WRN: variants seen among roughly 807,000 people sequenced by gnomAD.
WRN encodes bifunctional 3'-5' exonuclease/ATP-dependent helicase WRN.
In WRN, 149 loss-of-function variants were observed where a neutral mutation model predicts 180.7. The ratio of observed to expected loss-of-function variants is 0.82; its 90% CI spans 0.72 to 0.94. The LOEUF (loss-of-function observed/expected upper bound fraction) is 0.94, where lower values mean the gene tolerates loss of function less well. WRN is among the 40% of genes least tolerant of loss of function. The pLI is 0.00. For missense variants in WRN, 1,661 were observed against 1,700.1 expected, an observed-to-expected ratio of 0.98 and a Z score of 0.40; for synonymous variants, 548 against 568.9, an observed-to-expected ratio of 0.96 and a Z score of 0.52.
At chr8:31,151,536 TATA>T (rs1249004146) in intron 31 of WRN, among the ~76,000 whole-genome samples, 1 of 152,212 alleles carries the variant, frequency 6.6e-6, no homozygotes, top group Non-Finnish European at 1.5e-5. Context: ...GAAATGAAAT[TATA>T]ATGTCTTAAT....
chr8:31,108,177 A>C lies in WRN; in HGVS notation c.2089-3438A>C, dbSNP rs553443906. ...GAAATTAAGACCTGTCAACTTAAAG[A>C]ATACATTTTGTGAGTTAAGAACTAA... On this transcript the variant is annotated intron_variant, in intron 18 of 34. Transcript: ENST00000298139. 7.9e-5 allele frequency among the ~76,000 whole-genome samples: 12 copies of C among 152,344 alleles called. No homozygotes were observed. The East Asian group carries it at 2.1e-3, about 27-fold the overall frequency.
At chr8:31,035,433 C>T (rs532667014) in intron 1 of WRN, among the ~76,000 whole-genome samples, 12 of 152,040 alleles carry the variant, frequency 7.9e-5, no homozygotes, top group Non-Finnish European at 1.8e-4. Context: ...TACAAAGGCC[C>T]TGGGGGAACC....
At chr8:31,164,980 A>G (rs1248684570) in intron 33 of WRN, among the ~76,000 whole-genome samples, 3 of 152,128 alleles carry the variant, frequency 2.0e-5, no homozygotes, top group Non-Finnish European at 2.9e-5. Flanking sequence ...ATAGAAATGT[A>G]TTAGAAAAAT....
intron 16 of WRN, among the ~76,000 whole-genome samples, chr8:31,092,922 A>G (rs559508093): frequency 6.6e-6 from 1 of 152,096 alleles, no homozygotes; most frequent in African/African-American, 2.4e-5. Context: ...TGCATGTATC[A>G]GTAGTTTTTT....
Position 31,170,466 on chromosome 8 carries a change from T to C in WRN, c.4192-2529T>C, listed in dbSNP as rs917535037. On this transcript the variant is annotated intron_variant, in intron 34 of 34. Coordinates refer to ENST00000298139, the MANE Select transcript of WRN (RefSeq NM_000553.6). ...ATGCTCATTCACAGGTAAAATTGAC[T>C]TATGAAAATAGTTTTCATGACAAAT... is the stretch of plus-strand genomic sequence containing the variant. Among the ~76,000 whole-genome samples the C allele has an allele frequency of 2.0e-5, 3 of 152,218 alleles. No individual in the cohort carries two copies. In the East Asian group the frequency reaches 5.8e-4, roughly 29 times the overall value.
At chr8:31,073,052 C>T (rs1812969342) in intron 7 of WRN, among the ~76,000 whole-genome samples, 2 of 152,168 alleles carry the variant, frequency 1.3e-5, no homozygotes, top group Admixed American at 1.3e-4. Context: ...AATCTGACTT[C>T]ATTTCTTATT....
intron 23 of WRN, among the ~76,000 whole-genome samples, chr8:31,128,155 A>C (rs1801999916): frequency 1.3e-5 from 2 of 152,160 alleles, no homozygotes. Context: ...TGGAGAAATC[A>C]ACAAATCCAC....
In WRN at chr8:31,141,497, A is replaced by C. The variant is rs759101476; in HGVS notation, c.3035A>C (p.Glu1012Ala). The change falls in exon 25 of 35, where the codon GAG (glutamate) becomes GCG (alanine). Residue 1012 changes from glutamate (E) to alanine (A), a missense_variant. Glu to Ala is a moderately radical substitution (Grantham distance 107). Coordinates refer to ENST00000298139, the MANE Select transcript of WRN (RefSeq NM_000553.6). ...SLFGTGKDQTESWWKAFSRQL... is the reference protein window; with the variant it reads ...SLFGTGKDQTASWWKAFSRQL... ...TTTGGCACTGGCAAGGATCAAACAGAGAGTTGGTGGAAGGCTTTTTCCCGT... is the reference window on the plus strand; with the variant it reads ...TTTGGCACTGGCAAGGATCAAACAGCGAGTTGGTGGAAGGCTTTTTCCCGT... The C allele has an allele frequency of 6.2e-7, 1 of 1,613,984 alleles. No homozygotes were observed.
intron 31 of WRN, 120 bp downstream of exon 31, chr8:31,150,575 G>C: frequency 1.2e-6 from 1 of 807,992 alleles, no homozygotes; most frequent in Non-Finnish European, 2.1e-6. Context: ...TGGACACTTA[G>C]AAAATGAATT....
chr8:31,152,270 G>A (rs891598374), intron 31 of WRN, among the ~76,000 whole-genome samples: 4 of 151,974 alleles, frequency 2.6e-5, no homozygotes, highest in African/African-American at 9.7e-5. Context: ...GGCGGAGCTT[G>A]GAGTAAGCCG....
At position 31,142,692 on chromosome 8, in the gene WRN, A is replaced by G. The variant is rs1462661962; in HGVS notation, c.3300A>G (p.Thr1100=). 5.6e-6 allele frequency: 9 copies of G among 1,603,458 alleles called. No homozygotes were observed. Among genetic ancestry groups the G allele is most frequent in the Non-Finnish European group, 7.7e-6 (9 of 1,174,690 alleles). ...ATCAAGTACCAGTTGAATTAAGTAC[A>G]GAGAAGAAGGTTTGTTTTAAAGAAA... The part of the protein sequence containing the change: ...CYNQVPVELS[T]EKKSNLEKLY... Residue 1100 remains threonine (T), a synonymous_variant, in exon 27 of 35, where the codon ACA becomes ACG. Coordinates refer to ENST00000298139, the MANE Select transcript of WRN (RefSeq NM_000553.6).
At chr8:31,111,551 C>G in intron 18 of WRN, 64 bp from the exon 19 acceptor site, 1 of 1,568,166 alleles carries the variant, frequency 6.4e-7, no homozygotes, top group Non-Finnish European at 8.8e-7. Flanking sequence ...TGTAAGAAAG[C>G]TATAGACATG....
chr8:31,172,910 C>T, intron 34 of WRN, 85 bp from the exon 35 acceptor site: 1 of 1,191,162 alleles, frequency 8.4e-7, no homozygotes, highest in Admixed American at 1.8e-5. Flanking sequence ...GGTGTGTATT[C>T]AGGAACTTAT....
chr8:31,055,846 G>A (rs1170989400), intron 1 of WRN, among the ~76,000 whole-genome samples: 1 of 152,148 alleles, frequency 6.6e-6, no homozygotes, highest in Non-Finnish European at 1.5e-5. Flanking sequence ...CTGTGAATTT[G>A]ACCGAAAATA....
intron 34 of WRN, among the ~76,000 whole-genome samples, chr8:31,170,677 A>C (rs1243347444): frequency 6.6e-6 from 1 of 152,174 alleles, no homozygotes; most frequent in East Asian, 1.9e-4. Flanking sequence ...GAGTATTAAA[A>C]AGATGTAAAG....
intron 33 of WRN, among the ~76,000 whole-genome samples, chr8:31,166,793 T>C (rs1384169113): frequency 6.6e-6 from 1 of 152,084 alleles, no homozygotes; most frequent in Non-Finnish European, 1.5e-5. Context: ...GCAGTGTCAA[T>C]AGTACTGACC....
At chr8:31,112,308 G>A (rs1482403273) in intron 19 of WRN, among the ~76,000 whole-genome samples, 1 of 152,072 alleles carries the variant, frequency 6.6e-6, no homozygotes, top group Non-Finnish European at 1.5e-5. Context: ...TCTGAATTCT[G>A]TCTAGTTTAC....
intron 8 of WRN, 104 bp from the exon 9 acceptor site, chr8:31,080,763 T>G: frequency 1.1e-6 from 1 of 934,910 alleles, no homozygotes; most frequent in Non-Finnish European, 1.6e-6. Context: ...ATCTTTTAAG[T>G]GAAGGTCAGC....
intron 24 of WRN, 27 bp from the exon 25 acceptor site, chr8:31,141,403 A>T: frequency 6.2e-7 from 1 of 1,613,444 alleles, no homozygotes; most frequent in Non-Finnish European, 8.5e-7. Context: ...TAGCATTTTT[A>T]GATACTGATT....
Sources: allele counts gnomAD v4.1 joint callset (sites outside exome capture counted in the v4.1 genomes callset), GRCh38; gene constraint gnomAD v4.1.1; transcripts MANE v1.5; gene names NCBI Gene and HGNC (gene_info 2026-07-23, HGNC 2026-07-21).